Variants in PRSS3 observed in about 807,000 individuals in gnomAD.
PRSS3 encodes serine protease 3, also known as trypsin-3.
A neutral mutation model predicts 20.8 loss-of-function variants in PRSS3; 14 were observed. That is an observed-to-expected ratio of 0.67 (90% CI 0.44 to 1.05). PRSS3 has a LOEUF of 1.05. PRSS3 is among the 50% of genes least tolerant of loss of function. PRSS3 has a pLI of 0.00. For synonymous variants in PRSS3, 91 were observed against 117.6 expected (o/e 0.77, Z 1.46); for missense variants, 237 against 306.4 (o/e 0.77, Z 1.69).
chr9:33,789,048 T>G (rs1221237265), intron 1 of PRSS3, among the ~76,000 whole-genome samples: 3 of 152,218 alleles, frequency 2.0e-5, no homozygotes, highest in Admixed American at 6.5e-5. Context: ...AGCATCTTAC[T>G]CCTTGTGTAT....
chr9:33,767,380 TTGTCTCCCCCACCTCCAAGTGTATGTGA>T (rs1210733023), intron 1 of PRSS3, among the ~76,000 whole-genome samples: 2 of 152,194 alleles, frequency 1.3e-5, no homozygotes, highest in African/African-American at 4.8e-5. Context: ...GGGCAGAATT[TTGTCTCCCCCACCTCCAAGTGTATGTGA>T]TGAAGTCCTC....
chr9:33,775,703 T>G (rs1823891326), intron 1 of PRSS3, among the ~76,000 whole-genome samples: 2 of 149,596 alleles, frequency 1.3e-5, no homozygotes, highest in Admixed American at 6.6e-5. Context: ...GCTTGAAGTT[T>G]TTTTTTTTTT....
intron 1 of PRSS3, among the ~76,000 whole-genome samples, chr9:33,758,675 C>T (rs1344630617): frequency 6.6e-6 from 1 of 152,072 alleles, no homozygotes; most frequent in African/African-American, 2.4e-5. Flanking sequence ...GGAGAGGATT[C>T]GCACATATGC....
intron 1 of PRSS3, among the ~76,000 whole-genome samples, chr9:33,772,726 A>G (rs1826899375): frequency 6.6e-6 from 1 of 152,082 alleles, no homozygotes; most frequent in South Asian, 2.1e-4. Context: ...TATTCATTCA[A>G]ACACGTGGTT....
At chr9:33,776,775 G>A (rs148065933) in intron 1 of PRSS3, among the ~76,000 whole-genome samples, 273 of 151,756 alleles carry the variant, frequency 1.8e-3, no homozygotes, top group Middle Eastern at 3.4e-3. Flanking sequence ...CTAGAGAACA[G>A]GAGAAAAAAA....
chr9:33,784,048 G>A (rs1331980525), intron 1 of PRSS3, among the ~76,000 whole-genome samples: 1 of 152,168 alleles, frequency 6.6e-6, no homozygotes, highest in Non-Finnish European at 1.5e-5. Context: ...CATTAACCAT[G>A]TGCATGTATT....
intron 1 of PRSS3, among the ~76,000 whole-genome samples, chr9:33,758,139 G>C (rs1823036781): frequency 6.6e-6 from 1 of 152,084 alleles, no homozygotes. Context: ...CTTTGATCCA[G>C]AGCTTCTCTT....
At chr9:33,780,944 C>T (rs1226459200) in intron 1 of PRSS3, among the ~76,000 whole-genome samples, 1 of 152,150 alleles carries the variant, frequency 6.6e-6, no homozygotes, top group Non-Finnish European at 1.5e-5. Flanking sequence ...TGGGAAATTT[C>T]AACACTCCAC....
At chr9:33,797,787 G>C in intron 2 of PRSS3, 42 bp from the exon 3 acceptor site, 1 of 1,614,224 alleles carries the variant, frequency 6.2e-7, no homozygotes, top group Non-Finnish European at 8.5e-7. Flanking sequence ...GGGTGCCCAG[G>C]CTGTGGGAGA....
chr9:33,777,838 T>C (rs1358005797), intron 1 of PRSS3, among the ~76,000 whole-genome samples: 1 of 152,092 alleles, frequency 6.6e-6, no homozygotes, highest in African/African-American at 2.4e-5. Flanking sequence ...CATCTATTAG[T>C]TGCAAATTTC....
upstream of PRSS3, among the ~76,000 whole-genome samples, chr9:33,791,699 G>A (rs936819384): frequency 6.6e-6 from 1 of 152,178 alleles, no homozygotes; most frequent in African/African-American, 2.4e-5. Context: ...GGCCAAACAA[G>A]AGAGTGGTCA....
At chr9:33,793,765 C>T (rs1824749688), upstream of PRSS3, 4 of 864,528 alleles carry the variant, frequency 4.6e-6, no homozygotes, top group Middle Eastern at 6.0e-4. Context: ...AGACAGAATC[C>T]TTCTGAATCT....
intron 1 of PRSS3, among the ~76,000 whole-genome samples, chr9:33,784,975 T>A (rs1824326705): frequency 6.6e-6 from 1 of 152,076 alleles, no homozygotes. Context: ...AATTTCCTAA[T>A]CTGTAAAAAT....
intron 1 of PRSS3, among the ~76,000 whole-genome samples, chr9:33,788,594 T>C (rs555105887): frequency 9.2e-5 from 14 of 152,208 alleles, no homozygotes; most frequent in Non-Finnish European, 2.1e-4. Context: ...ATATTTCCAG[T>C]TGAGAAACAT....
intron 1 of PRSS3, chr9:33,762,082 T>A (rs1274237884): frequency 6.6e-6 from 1 of 152,154 alleles, no homozygotes; most frequent in Non-Finnish European, 1.5e-5. Flanking sequence ...TGTATTTAAT[T>A]GGCTCATATG....
At chr9:33,792,491 T>C (rs1198087508), upstream of PRSS3, among the ~76,000 whole-genome samples, 1 of 152,236 alleles carries the variant, frequency 6.6e-6, no homozygotes, top group Non-Finnish European at 1.5e-5. Flanking sequence ...GAGTTTTAGA[T>C]TGTTGATTTG....
intron 1 of PRSS3, among the ~76,000 whole-genome samples, chr9:33,765,668 GC>G (rs2118845598): frequency 6.6e-6 from 1 of 152,302 alleles, no homozygotes; most frequent in Admixed American, 6.5e-5. Context: ...GGGTGGGATG[GC>G]ATGAAATTTC....
chr9:33,757,060 T>C (rs549282086), intron 1 of PRSS3, among the ~76,000 whole-genome samples: 1 of 152,378 alleles, frequency 6.6e-6, no homozygotes, highest in East Asian at 1.9e-4. Flanking sequence ...ATCTCATTTC[T>C]AGCCATTTAT....
chr9:33,764,676 A>C (rs1823344360), intron 1 of PRSS3, among the ~76,000 whole-genome samples: 1 of 152,268 alleles, frequency 6.6e-6, no homozygotes, highest in African/African-American at 2.4e-5. Flanking sequence ...AAAGAAAAAA[A>C]CAGATAAATT....
Sources: gnomAD v4.1 joint callset for allele counts (sites outside exome capture counted in the v4.1 genomes callset) on GRCh38, gnomAD v4.1.1 for gene constraint, MANE v1.5 for transcripts, NCBI Gene and HGNC (gene_info 2026-07-23, HGNC 2026-07-21) for gene names.